Variants in CDH4 observed in about 807,000 individuals in gnomAD.
CDH4 encodes the protein cadherin 4.
In CDH4, 33 loss-of-function variants were observed where a neutral mutation model predicts 86.0. The observed-to-expected ratio is 0.38, with a 90% CI of 0.29 to 0.51. CDH4 has a LOEUF of 0.51. CDH4 is among the 20% of genes least tolerant of loss of function. The pLI is 0.86. For missense variants in CDH4, 1,114 were observed against 1,307.4 expected, an observed-to-expected ratio of 0.85 and a Z score of 2.28; for synonymous variants, 555 against 549.4, an observed-to-expected ratio of 1.01 and a Z score of -0.14.
At chr20:61,929,528 CTTTT>C in intron 12 of CDH4, 77 bp from the exon 13 acceptor site, 2 of 1,055,566 alleles carry the variant, frequency 1.9e-6, no homozygotes, top group Non-Finnish European at 2.9e-6. Flanking sequence ...TGCCATCGGA[CTTTT>C]AGTCTTTTCC....
chr20:61,353,695 C>T (rs1388723182), intron 2 of CDH4, among the ~76,000 whole-genome samples: 3,374 of 55,434 alleles, frequency 0.061, no homozygotes, highest in Non-Finnish European at 0.075. Flanking sequence ...CCTCCTCCTC[C>T]CCTCCTCCTC....
chr20:61,661,012 T>G (rs2087248448), intron 2 of CDH4, among the ~76,000 whole-genome samples: 1 of 148,074 alleles, frequency 6.8e-6, no homozygotes, highest in South Asian at 2.1e-4. Context: ...TAAAAAATTC[T>G]AGTGGCTTTA....
At position 61,282,833 on chromosome 20, in the gene CDH4, G is replaced by A. The variant is rs559241328; in HGVS notation, c.169+27896G>A. Reference sequence around the variant, plus strand: ...ATGGCTGTGGTGTGCACGTGTGTGCGTGTGATGCATGTGCATTTGCACGCA... The same window carrying A: ...ATGGCTGTGGTGTGCACGTGTGTGCATGTGATGCATGTGCATTTGCACGCA... On this transcript the variant is annotated intron_variant, in intron 2 of 15. Transcript: ENST00000614565. 1.2e-4 allele frequency among the ~76,000 whole-genome samples: 18 copies of A among 152,310 alleles called. No individual in the cohort carries two copies. In the East Asian group the frequency reaches 2.3e-3, roughly 20 times the overall value.
At chr20:61,682,011 T>C (rs1030885817) in intron 2 of CDH4, among the ~76,000 whole-genome samples, 6 of 152,218 alleles carry the variant, frequency 3.9e-5, no homozygotes, top group African/African-American at 1.4e-4. Context: ...AACCTATGGC[T>C]TCAGTGCTAG....
At chr20:61,793,709 A>G (rs527868710) in intron 4 of CDH4, among the ~76,000 whole-genome samples, 30 of 152,010 alleles carry the variant, frequency 2.0e-4, no homozygotes, top group African/African-American at 4.6e-4. Flanking sequence ...GCATGGTGGC[A>G]GACACCTGTA....
At chr20:61,579,947 T>TA (rs11476139) in intron 2 of CDH4, among the ~76,000 whole-genome samples, 26 of 148,716 alleles carry the variant, frequency 1.7e-4, no homozygotes, top group South Asian at 6.5e-4. Context: ...TTTCTGAATT[T>TA]AAAAAAAAAA....
intron 2 of CDH4, among the ~76,000 whole-genome samples, chr20:61,565,232 G>GCTC (rs1568688586): frequency 4.7e-4 from 24 of 51,076 alleles, no homozygotes; most frequent in African/African-American, 1.7e-3. Flanking sequence ...AGGTGGTGGT[G>GCTC]GTGGTGGTGG....
Position 61,680,445 on chromosome 20 carries a change from C to T in CDH4, c.170-63118C>T, listed in dbSNP as rs569064367. 4.7e-4 allele frequency among the ~76,000 whole-genome samples: 71 copies of T among 152,228 alleles called. 1 individual carries two copies. The highest frequency in any genetic ancestry group is 1.6e-3 in the African/African-American group (66 of 41,544). ...ATTCAGGGTGAAATGTGATGGGAGG[C>T]TGTGGGGAGAGTGAGAAACAAGACG... On this transcript the variant is annotated intron_variant, in intron 2 of 15. Transcript: ENST00000614565.
In CDH4 at chr20:61,478,129, C is replaced by T. The variant is rs1467178586; in HGVS notation, c.169+223192C>T. On this transcript the variant is annotated intron_variant, in intron 2 of 15. Transcript: ENST00000614565. ...GCCTCTAAATTGGGAACTGTGAAAA[C>T]GCCACCCCACACAACAAAGACAGGA... Among the ~76,000 whole-genome samples the T allele has an allele frequency of 1.1e-4, 16 of 152,136 alleles. 1 individual carries two copies.
intron 7 of CDH4, among the ~76,000 whole-genome samples, chr20:61,886,502 G>A (rs1004831575): frequency 1.3e-5 from 2 of 152,326 alleles, no homozygotes; most frequent in African/African-American, 4.8e-5. Flanking sequence ...AGGAAGGGTA[G>A]GGGCCCCAGC....
intron 2 of CDH4, among the ~76,000 whole-genome samples, chr20:61,304,916 C>T (rs966412034): frequency 2.4e-4 from 36 of 147,304 alleles, no homozygotes; most frequent in African/African-American, 5.8e-4. Context: ...CAGTATGTTG[C>T]GTGTGTTGTA....
intron 2 of CDH4, among the ~76,000 whole-genome samples, chr20:61,332,390 T>G (rs1341046007): frequency 6.6e-6 from 1 of 152,226 alleles, no homozygotes; most frequent in Non-Finnish European, 1.5e-5. Flanking sequence ...GCCTCAGGGC[T>G]GCTGCCTCCC....
At chr20:61,737,562 C>A (rs2088280256) in intron 2 of CDH4, among the ~76,000 whole-genome samples, 1 of 152,226 alleles carries the variant, frequency 6.6e-6, no homozygotes, top group Non-Finnish European at 1.5e-5. Flanking sequence ...CCACCCTGGC[C>A]TCAGCCTGTG....
At chr20:61,388,031 AAC>A (rs2084961884) in intron 2 of CDH4, among the ~76,000 whole-genome samples, 2 of 152,228 alleles carry the variant, frequency 1.3e-5, no homozygotes, top group African/African-American at 4.8e-5. Context: ...GGGGGCACTT[AAC>A]AGTTTTGCAT....
intron 2 of CDH4, among the ~76,000 whole-genome samples, chr20:61,585,997 A>ATGATGGTGATGGTGATTG (rs1555811242): frequency 1.5e-4 from 20 of 136,890 alleles, no homozygotes; most frequent in African/African-American, 2.5e-4. Context: ...GGTGATGATG[A>ATGATGGTGATGGTGATTG]TGATGGTGAT....
chr20:61,565,233 G>GTGGTCCTCTTGGTGATGGGGTGA (rs2086270739), intron 2 of CDH4, among the ~76,000 whole-genome samples: 5 of 46,742 alleles, frequency 1.1e-4, no homozygotes, highest in Non-Finnish European at 2.1e-4. Context: ...GGTGGTGGTG[G>GTGGTCCTCTTGGTGATGGGGTGA]TGGTGGTGGC....
At chr20:61,319,179 A>G (rs1295123124) in intron 2 of CDH4, among the ~76,000 whole-genome samples, 2 of 149,394 alleles carry the variant, frequency 1.3e-5, no homozygotes, top group East Asian at 2.0e-4. Flanking sequence ...AATATAACAT[A>G]TAACATGTTA....
At chr20:61,674,064 G>T (rs979898126) in intron 2 of CDH4, among the ~76,000 whole-genome samples, 7 of 152,176 alleles carry the variant, frequency 4.6e-5, no homozygotes, top group Non-Finnish European at 1.0e-4. Context: ...GGGCTGCCTG[G>T]TTTTGGGGGT....
At chr20:61,723,486 T>C (rs73611560) in intron 2 of CDH4, among the ~76,000 whole-genome samples, 50,401 of 152,104 alleles carry the variant, frequency 0.33, 9,480 homozygotes, top group South Asian at 0.44. Flanking sequence ...AAGGCAGGGT[T>C]GGCCTGGGCC....
Sources: allele counts gnomAD v4.1 joint callset (sites outside exome capture counted in the v4.1 genomes callset), GRCh38; gene constraint gnomAD v4.1.1; transcripts MANE v1.5; gene names NCBI Gene and HGNC (gene_info 2026-07-23, HGNC 2026-07-21).